C2CD2: variants seen among roughly 807,000 people sequenced by gnomAD.
C2CD2 encodes C2 domain-containing protein 2.
C2CD2 carries 43 observed loss-of-function variants against 74.3 expected under a neutral mutation model. The observed-to-expected ratio is 0.58, with a 90% CI of 0.45 to 0.75. C2CD2 has a LOEUF of 0.75. Ranked by LOEUF, C2CD2 falls within the 30% of genes least tolerant of loss-of-function variation. The pLI is 0.00. For missense variants in C2CD2, 801 were observed against 916.3 expected, an observed-to-expected ratio of 0.87 and a Z score of 1.63; for synonymous variants, 422 against 390.7, an observed-to-expected ratio of 1.08 and a Z score of -0.94.
rs2065217760 is a variant in C2CD2 at position 41,926,774 on chromosome 21, G to C, written c.379-4689C>G. 3 of 191,824 alleles carry C rather than the reference G, an allele frequency of 1.6e-5. 1 individual carries two copies. Among genetic ancestry groups the C allele is most frequent in the Non-Finnish European group, 2.9e-5 (3 of 104,322 alleles). 11.9% of individuals were successfully genotyped at this position (191,824 alleles called of 1,614,324 possible). On this transcript the variant is annotated intron_variant, in intron 2 of 13. Coordinates refer to ENST00000380486, the MANE Select transcript of C2CD2 (RefSeq NM_015500.2). The surrounding 1 kb of genome is among the most constrained non-coding windows in gnomAD (Gnocchi z 8.0). The stretch of plus-strand genomic sequence containing the variant: ...CGGCTCCTTCTCTTAGAACACTCTA[G>C]AGAACTGGAAATCATGTAATTACTT...
In C2CD2 at chr21:41,905,757, G is replaced by A. The variant is rs146304058; in HGVS notation, c.1399C>T (p.Pro467Ser). The A allele has an allele frequency of 8.7e-6, 14 of 1,610,460 alleles. No individual in the cohort carries two copies. The highest frequency in any genetic ancestry group is 1.0e-5 in the Non-Finnish European group (12 of 1,176,966). ...SVQAIACRSA[P>S]VSKTLSSSDT... Reference sequence around the variant, plus strand: ...GAAGAAGAGAGTGTTTTGCTGACGGGGGCGCTGCGGCAGGCGATGGCCTGG... The same window carrying A: ...GAAGAAGAGAGTGTTTTGCTGACGGAGGCGCTGCGGCAGGCGATGGCCTGG... Residue 467 changes from proline to serine, a missense_variant, in exon 11 of 14, where the codon CCC becomes TCC. Transcript: ENST00000380486.
intron 12 of C2CD2, among the ~76,000 whole-genome samples, chr21:41,900,057 C>A (rs973410337): frequency 5.3e-5 from 8 of 151,970 alleles, no homozygotes; most frequent in African/African-American, 1.7e-4. Context: ...TAAGTGCCAG[C>A]CTGTGGAAGC....
At chr21:41,942,308 T>A (rs1332249109) in intron 1 of C2CD2, 63 bp from the exon 2 acceptor site, 2 of 1,273,202 alleles carry the variant, frequency 1.6e-6, no homozygotes, top group Non-Finnish European at 2.2e-6. Flanking sequence ...TTAAATTACA[T>A]ATCTGTTTAA....
intron 2 of C2CD2, among the ~76,000 whole-genome samples, chr21:41,940,568 G>A (rs2065346379): frequency 6.6e-6 from 1 of 152,144 alleles, no homozygotes; most frequent in Non-Finnish European, 1.5e-5. Flanking sequence ...AGATCATACA[G>A]CAACACAGGT....
chr21:41,913,889 A>G (rs1421979031), intron 6 of C2CD2, among the ~76,000 whole-genome samples: 1 of 152,152 alleles, frequency 6.6e-6, no homozygotes, highest in Non-Finnish European at 1.5e-5. Flanking sequence ...GTCTCCCAGC[A>G]TCGGAGTCCC....
At chr21:41,904,713 T>G (rs1389145666) in intron 11 of C2CD2, among the ~76,000 whole-genome samples, 1 of 152,164 alleles carries the variant, frequency 6.6e-6, no homozygotes, top group Non-Finnish European at 1.5e-5. Flanking sequence ...GTTAAGACAG[T>G]GCCCCTCCAG....
chr21:41,890,162 CT>C (rs2064733909), intron 13 of C2CD2, among the ~76,000 whole-genome samples: 1 of 152,204 alleles, frequency 6.6e-6, no homozygotes, highest in African/African-American at 2.4e-5. Context: ...ATAATATTTG[CT>C]CTTTTGGGAA....
chr21:41,913,910 G>A lies in C2CD2; in HGVS notation c.844+688C>T, dbSNP rs76301521. The stretch of plus-strand genomic sequence containing the variant: ...CAGCATCGGAGTCCCGAGTGTGGCC[G>A]AAGCCATCTGATGCCCATCAACTCC... On this transcript the variant is annotated intron_variant, in intron 6 of 13. Transcript: ENST00000380486. Among the ~76,000 whole-genome samples, 21 of 152,240 alleles carry A rather than the reference G, an allele frequency of 1.4e-4. No homozygotes were observed. The East Asian group carries it at 2.9e-3, about 21-fold the overall frequency.
chr21:41,895,392 T>C lies in C2CD2; in HGVS notation c.1870+3661A>G, dbSNP rs1373689356. On this transcript the variant is annotated intron_variant, in intron 13 of 13. Transcript: ENST00000380486. The surrounding 1 kb of genome is among the most constrained non-coding windows in gnomAD (Gnocchi z 5.0). ...CGCAGAATGTGTTGCCCTTTGCTGA[T>C]AGTGAAGTTCACACTACGGTCAACA... Among the ~76,000 whole-genome samples, 3 of 152,208 alleles carry C rather than the reference T, an allele frequency of 2.0e-5. No individual in the cohort carries two copies. The highest frequency in any genetic ancestry group is 7.2e-5 in the African/African-American group (3 of 41,448).
In C2CD2 at chr21:41,907,140, C is replaced by A. The variant is rs763829991; in HGVS notation, c.1170G>T (p.Leu390Phe). The A allele has an allele frequency of 1.3e-5, 21 of 1,614,072 alleles. No homozygotes were observed. The highest frequency in any genetic ancestry group is 1.6e-4 in the Middle Eastern group (1 of 6,084). Residue 390 changes from leucine (L) to phenylalanine (F), a missense_variant, in exon 10 of 14, where the codon TTG becomes TTT. By Grantham distance (22) the Leu-to-Phe change is conservative (BLOSUM62 0). Transcript: ENST00000380486. ...AEFSYMEPGE[L>F]KSWPIPPPVP... ...CAGGGGGAGGGATGGGCCAGGATTT[C>A]AATTCACCAGGTTCCATGTAAGAGA...
intron 13 of C2CD2, among the ~76,000 whole-genome samples, chr21:41,897,406 C>T (rs1167425082): frequency 6.6e-6 from 1 of 152,176 alleles, no homozygotes; most frequent in East Asian, 1.9e-4. Flanking sequence ...CACTCACTGT[C>T]TACAAGACAA....
intron 7 of C2CD2, 82 bp from the exon 8 acceptor site, chr21:41,909,605 T>C (rs964056930): frequency 3.1e-6 from 3 of 977,292 alleles, no homozygotes; most frequent in African/African-American, 1.6e-5. Context: ...TTTCTGATTA[T>C]AGAAAGGAAG....
chr21:41,919,208 AT>A (rs1419239308), intron 3 of C2CD2, among the ~76,000 whole-genome samples: 1 of 152,034 alleles, frequency 6.6e-6, no homozygotes, highest in African/African-American at 2.4e-5. Flanking sequence ...GTGCATGTGT[AT>A]TTGAGCGTGT....
At chr21:41,949,964 A>AACATCAC (rs1387412607) in intron 1 of C2CD2, among the ~76,000 whole-genome samples, 2 of 152,176 alleles carry the variant, frequency 1.3e-5, no homozygotes, top group Non-Finnish European at 2.9e-5. Flanking sequence ...CAGGGCGGGC[A>AACATCAC]ACATCACACA....
At position 41,929,941 on chromosome 21, in the gene C2CD2, C is replaced by G. The variant is rs1240662158; in HGVS notation, c.379-7856G>C. Among the ~76,000 whole-genome samples the G allele has an allele frequency of 1.3e-5, 2 of 152,202 alleles. No homozygotes were observed. The highest frequency in any genetic ancestry group is 2.9e-5 in the Non-Finnish European group (2 of 68,038). ...AGAACAGGCTTCTGCCTTAAGGGTA[C>G]CCCTTTGCTTTTGGGGCAGAAAGCA... On this transcript the variant is annotated intron_variant, in intron 2 of 13. Coordinates refer to ENST00000380486, the MANE Select transcript of C2CD2 (RefSeq NM_015500.2). The surrounding 1 kb of genome is among the most constrained non-coding windows in gnomAD (Gnocchi z 4.6).
At chr21:41,938,504 C>T (rs992122605) in intron 2 of C2CD2, among the ~76,000 whole-genome samples, 26 of 152,080 alleles carry the variant, frequency 1.7e-4, no homozygotes, top group Non-Finnish European at 3.7e-4. Context: ...ACCTCCAGAA[C>T]CTGCATCTTC....
intron 1 of C2CD2, among the ~76,000 whole-genome samples, chr21:41,948,715 T>C (rs1035634845): frequency 2.6e-5 from 4 of 151,984 alleles, no homozygotes; most frequent in African/African-American, 9.7e-5. Flanking sequence ...GCCACTGTCA[T>C]TGGTCAAGGA....
intron 2 of C2CD2, among the ~76,000 whole-genome samples, chr21:41,938,910 T>G (rs1029653486): frequency 1.3e-5 from 2 of 151,910 alleles, no homozygotes; most frequent in Non-Finnish European, 2.9e-5. Context: ...CCTGGCCAAT[T>G]TTTTTGTATA....
chr21:41,928,622 A>G (rs2065237062), intron 2 of C2CD2, among the ~76,000 whole-genome samples: 1 of 151,248 alleles, frequency 6.6e-6, no homozygotes, highest in African/African-American at 2.4e-5. Flanking sequence ...AAATGTGGAC[A>G]ATTTTAAATC....
Sources: allele counts gnomAD v4.1 joint callset (sites outside exome capture counted in the v4.1 genomes callset), GRCh38; gene constraint gnomAD v4.1.1; non-coding constraint Gnocchi (gnomAD v3.1); transcripts MANE v1.5; gene names NCBI Gene and HGNC (gene_info 2026-07-23, HGNC 2026-07-21).